Variants in EAF1 observed in about 807,000 individuals in gnomAD.
EAF1 encodes the protein ELL associated factor 1.
A neutral mutation model predicts 26.6 loss-of-function variants in EAF1; 19 were observed. The observed-to-expected ratio is 0.71, with a 90% CI of 0.50 to 1.05. EAF1 has a LOEUF of 1.05. Ranked by LOEUF, EAF1 falls within the 50% of genes least tolerant of loss-of-function variation. The pLI is 0.00. For synonymous variants in EAF1, 102 were observed against 120.6 expected (o/e 0.85, Z 1.01); for missense variants, 260 against 335.5 (o/e 0.78, Z 1.76).
chr3:15,434,901 A>G (rs527865066), intron 4 of EAF1, among the ~76,000 whole-genome samples: 1 of 152,284 alleles, frequency 6.6e-6, no homozygotes, highest in South Asian at 2.1e-4. Context: ...GTAGGTGGCA[A>G]CCTTTCTGAG....
rs1156685319 is a variant in EAF1, at chr3:15,440,617, G to C, written c.*1462G>C. The C allele has an allele frequency of 6.6e-6, 1 of 152,412 alleles. No homozygotes were observed. Among genetic ancestry groups the C allele is most frequent in the Non-Finnish European group, 1.5e-5 (1 of 68,036 alleles). 9.4% of individuals were successfully genotyped at this position (152,412 alleles called of 1,614,324 possible). On this transcript the variant is annotated 3_prime_UTR_variant, in exon 6 of 6. Coordinates refer to ENST00000396842, the MANE Select transcript of EAF1 (RefSeq NM_033083.7). ...AAAGGAAATAGGTGGTCTGTCATAGGGGCTTTCATTAGAGTTAAACTTCAT... is the reference window on the plus strand; with the variant it reads ...AAAGGAAATAGGTGGTCTGTCATAGCGGCTTTCATTAGAGTTAAACTTCAT...
chr3:15,437,215 AAG>A (rs1352460650), intron 5 of EAF1, among the ~76,000 whole-genome samples: 2 of 149,620 alleles, frequency 1.3e-5, no homozygotes, highest in Non-Finnish European at 3.0e-5. Flanking sequence ...TTTTATAAAA[AAG>A]AATCCACTGT....
rs1274038358 is a variant in EAF1 at position 15,436,322 on chromosome 3, T to C, written c.527-20T>C. ...TGAAAAGGGCTGCTGTGCTGATCCA[T>C]GTCATATCCTTTATTCCAGAGCTGA... is the stretch of plus-strand genomic sequence containing the variant. On this transcript the variant is annotated intron_variant, in intron 4 of 5. Transcript: ENST00000396842. The C allele has an allele frequency of 6.3e-7, 1 of 1,577,356 alleles. No individual in the cohort carries two copies.
rs1491147695 is a variant in EAF1, at chr3:15,441,488, CCT to C, written c.*2334_*2335del. The C allele has an allele frequency of 3.9e-5, 5 of 126,956 alleles. No homozygotes were observed. The highest frequency in any genetic ancestry group is 4.9e-5 in the Non-Finnish European group (3 of 61,468). The allele number at this position is 126,956 out of a possible 1,614,324, so 7.9% of individuals were successfully genotyped here. A position where few individuals can be genotyped will look rare whatever the true frequency, so the allele number is the denominator to read the frequency against. ...GGAGTGCCCTGTGTGTACATACTGA[CCT>C]TTTTTTTTTTTTTTTTTTTTTGCTT... On this transcript the variant is annotated 3_prime_UTR_variant, in exon 6 of 6. Transcript: ENST00000396842.
chr3:15,441,894 C>G lies in EAF1; in HGVS notation c.*2739C>G, dbSNP rs2061872792. ...ACTTTCATGATTTAGAAGTCTTTAA[C>G]TGAATTATTAAAATTGCCTTTTTTT... On this transcript the variant is annotated 3_prime_UTR_variant, in exon 6 of 6. Coordinates refer to ENST00000396842, the MANE Select transcript of EAF1 (RefSeq NM_033083.7). The G allele has an allele frequency of 6.6e-6, 1 of 152,562 alleles. No homozygotes were observed. Among genetic ancestry groups the G allele is most frequent in the Admixed American group, 6.6e-5 (1 of 15,258 alleles). 9.5% of individuals were successfully genotyped at this position (152,562 alleles called of 1,614,324 possible). A position where few individuals can be genotyped will look rare whatever the true frequency, so the allele number is the denominator to read the frequency against.
intron 2 of EAF1, 146 bp from the exon 3 acceptor site, chr3:15,431,941 A>G (rs1441460640): frequency 1.1e-6 from 1 of 914,682 alleles, no homozygotes; most frequent in African/African-American, 1.7e-5. Flanking sequence ...CGGAAACCAG[A>G]AGGAGATAAA....
rs185363164 is a variant in EAF1, at chr3:15,432,959, T to C, written c.335+736T>C. Among the ~76,000 whole-genome samples the C allele has an allele frequency of 6.1e-3, 924 of 152,154 alleles. 4 individuals are homozygous for C. Among genetic ancestry groups the C allele is most frequent in the South Asian group, 0.013 (65 of 4,822 alleles). On this transcript the variant is annotated intron_variant, in intron 3 of 5. Transcript: ENST00000396842. ...TATGCTTCGTTAAGCCATTTTTTTT[T>C]CATTCATTCATTCCACAGAAAATAA...
chr3:15,429,179 A>G (rs981355852), intron 1 of EAF1, among the ~76,000 whole-genome samples: 3 of 152,200 alleles, frequency 2.0e-5, no homozygotes, highest in Non-Finnish European at 4.4e-5. Flanking sequence ...GTTGTCTGCT[A>G]TGAACATCTA....
Position 15,432,107 on chromosome 3 carries a change from T to C in EAF1, c.219T>C (p.Thr73=), listed in dbSNP as rs1387588633. The C allele has an allele frequency of 1.9e-6, 3 of 1,614,126 alleles. No homozygotes were observed. The highest frequency in any genetic ancestry group is 2.5e-6 in the Non-Finnish European group (3 of 1,180,006). ...PHIPGSTPPM[T]VFKGNKRPYQ... is the part of the protein sequence containing the mutation. ...AATAGGGATCCACACCACCCATGACTGTGTTCAAGGGGAACAAACGGCCTT... is the reference window on the plus strand; with the variant it reads ...AATAGGGATCCACACCACCCATGACCGTGTTCAAGGGGAACAAACGGCCTT... Residue 73 remains threonine, a synonymous_variant, in exon 3 of 6, where the codon ACT becomes ACC. Coordinates refer to ENST00000396842, the MANE Select transcript of EAF1 (RefSeq NM_033083.7).
At chr3:15,428,393 T>C (rs111861768) in intron 1 of EAF1, among the ~76,000 whole-genome samples, 77 of 152,268 alleles carry the variant, frequency 5.1e-4, no homozygotes, top group African/African-American at 1.4e-3. Context: ...CCAAATACTG[T>C]GCTTTGTCCC....
At chr3:15,432,046 G>T in intron 2 of EAF1, 41 bp from the exon 3 acceptor site, 1 of 1,595,136 alleles carries the variant, frequency 6.3e-7, no homozygotes, top group South Asian at 1.1e-5. Context: ...TTCATAACTG[G>T]TATGTTTAGT....
intron 3 of EAF1, 79 bp from the exon 4 acceptor site, chr3:15,434,269 T>C: frequency 2.0e-6 from 3 of 1,528,896 alleles, no homozygotes; most frequent in Non-Finnish European, 2.7e-6. Flanking sequence ...TACAGAGACT[T>C]CTGAGTTTTC....
At chr3:15,436,962 C>T (rs1417446160) in intron 5 of EAF1, among the ~76,000 whole-genome samples, 1 of 152,086 alleles carries the variant, frequency 6.6e-6, no homozygotes, top group Non-Finnish European at 1.5e-5. Flanking sequence ...ATGGTGCAAT[C>T]TCGGCTTACT....
intron 3 of EAF1, among the ~76,000 whole-genome samples, chr3:15,432,717 T>A (rs564552610): frequency 2.4e-3 from 364 of 152,088 alleles, no homozygotes; most frequent in Non-Finnish European, 4.3e-3. Context: ...CCAGTTAGAG[T>A]TTATTTGAAA....
Position 15,434,506 on chromosome 3 carries a change from C to T in EAF1, c.494C>T (p.Ser165Leu). The T allele has an allele frequency of 6.2e-7, 1 of 1,614,194 alleles. No individual in the cohort carries two copies. The highest frequency in any genetic ancestry group is 8.5e-7 in the Non-Finnish European group (1 of 1,180,022). ...ACTTCTCCCTTGAAAGATAACCCCT[C>T]ACCTGAACCTCAGTTGGATGACATC... is the stretch of plus-strand genomic sequence containing the variant. ...PKTSPLKDNP[S>L]PEPQLDDIKR... Residue 165 changes from serine to leucine, a missense_variant, in exon 4 of 6, where the codon TCA becomes TTA. By Grantham distance (145) the Ser-to-Leu change is moderately radical. Transcript: ENST00000396842.
chr3:15,430,909 C>T (rs377022121), intron 2 of EAF1, among the ~76,000 whole-genome samples: 1 of 152,164 alleles, frequency 6.6e-6, no homozygotes, highest in African/African-American at 2.4e-5. Flanking sequence ...TGAAAAGTCT[C>T]TGGACAGGGA....
At chr3:15,436,105 G>A in intron 4 of EAF1, 1 of 352,244 alleles carries the variant, frequency 2.8e-6, no homozygotes, top group Admixed American at 4.1e-5. Context: ...TTCTGAAACA[G>A]TCTTGCTTTT....
intron 5 of EAF1, chr3:15,438,805 G>A (rs1326627972): frequency 4.9e-5 from 11 of 223,408 alleles, no homozygotes; most frequent in African/African-American, 1.9e-4. Flanking sequence ...GATTACAGGC[G>A]TGAGCCACTG....
At chr3:15,433,384 C>A (rs143021417) in intron 3 of EAF1, among the ~76,000 whole-genome samples, 16 of 152,188 alleles carry the variant, frequency 1.1e-4, no homozygotes, top group African/African-American at 3.4e-4. Flanking sequence ...TACCGATATT[C>A]CTCCAATATC....
Sources: allele counts gnomAD v4.1 joint callset (sites outside exome capture counted in the v4.1 genomes callset), GRCh38; gene constraint gnomAD v4.1.1; transcripts MANE v1.5; gene names NCBI Gene and HGNC (gene_info 2026-07-23, HGNC 2026-07-21).